Variants in C2CD3 observed in about 807,000 individuals in gnomAD.
C2CD3 encodes the protein C2 domain-containing protein 3.
A neutral mutation model predicts 234.0 loss-of-function variants in C2CD3; 148 were observed. That is an observed-to-expected ratio of 0.63 (90% CI 0.55 to 0.72). The LOEUF is 0.72. C2CD3 is among the 30% of genes least tolerant of loss of function. The probability of loss-of-function intolerance (pLI) is 0.00; values close to 1 mark genes in which losing one functional copy is unlikely to be tolerated. For synonymous variants in C2CD3, 1,000 were observed against 1,035.4 expected, an observed-to-expected ratio of 0.97 and a Z score of 0.66; for missense variants, 2,577 against 2,811.5, an observed-to-expected ratio of 0.92 and a Z score of 1.89.
chr11:74,088,103 G>A (rs1955724597), intron 20 of C2CD3, among the ~76,000 whole-genome samples: 2 of 152,092 alleles, frequency 1.3e-5, no homozygotes, highest in Non-Finnish European at 2.9e-5. Context: ...TCAGTAAGAG[G>A]CAATGCAAAA....
intron 13 of C2CD3, 101 bp downstream of exon 13, chr11:74,106,270 T>C (rs1430146664): frequency 2.6e-6 from 3 of 1,147,670 alleles, no homozygotes; most frequent in Admixed American, 4.3e-5. Flanking sequence ...CTACACAAGA[T>C]CAAAGACCTT....
intron 13 of C2CD3, among the ~76,000 whole-genome samples, chr11:74,104,797 T>C (rs900545121): frequency 1.3e-5 from 2 of 152,168 alleles, no homozygotes; most frequent in Non-Finnish European, 2.9e-5. Context: ...AAGGTTCTTT[T>C]ACTCTGTTGA....
intron 3 of C2CD3, among the ~76,000 whole-genome samples, chr11:74,140,839 C>T (rs1958027920): frequency 6.6e-6 from 1 of 152,094 alleles, no homozygotes; most frequent in East Asian, 1.9e-4. Flanking sequence ...GGGAGGACAA[C>T]TAAGATGAAA....
intron 31 of C2CD3, among the ~76,000 whole-genome samples, chr11:74,029,498 G>T (rs928142899): frequency 2.0e-5 from 3 of 152,226 alleles, no homozygotes; most frequent in Non-Finnish European, 4.4e-5. Context: ...GTAGAGAGGT[G>T]GGGGAGGAAT....
At chr11:74,075,429 T>C (rs560417449) in intron 23 of C2CD3, among the ~76,000 whole-genome samples, 42 of 152,202 alleles carry the variant, frequency 2.8e-4, no homozygotes, top group African/African-American at 9.2e-4. Context: ...ACGGAGTTAA[T>C]ATTTGTTGAG....
Position 74,037,482 on chromosome 11 carries a change from G to T in C2CD3, c.5877C>A (p.Ile1959=). ...SNLVLQVSSL[I]TDLQTITRDS... is the part of the protein sequence containing the mutation. Reference sequence around the variant, plus strand: ...AAGAAAGGATCTGAGTCATACCTGTGATTAAGGAGCTGACTTGCAACACCA... The same window carrying T: ...AAGAAAGGATCTGAGTCATACCTGTTATTAAGGAGCTGACTTGCAACACCA... Residue 1959 remains isoleucine (I), a synonymous_variant, in exon 30 of 33, where the codon ATC becomes ATA. Coordinates refer to ENST00000334126, the MANE Select transcript of C2CD3 (RefSeq NM_001286577.2). The T allele has an allele frequency of 6.2e-7, 1 of 1,611,378 alleles. No homozygotes were observed. Among genetic ancestry groups the T allele is most frequent in the South Asian group, 1.1e-5 (1 of 91,008 alleles).
chr11:74,024,571 A>G (rs1474591222), intron 32 of C2CD3, among the ~76,000 whole-genome samples: 2 of 152,240 alleles, frequency 1.3e-5, no homozygotes, highest in Non-Finnish European at 2.9e-5. Flanking sequence ...CTCCTGCTCA[A>G]ATAATATTTC....
At chr11:74,079,026 C>T (rs577755817) in intron 22 of C2CD3, among the ~76,000 whole-genome samples, 1 of 152,310 alleles carries the variant, frequency 6.6e-6, no homozygotes, top group Non-Finnish European at 1.5e-5. Flanking sequence ...AAAACTGATG[C>T]TAGTGCTGTC....
In C2CD3 at chr11:74,139,727, GA is replaced by G; in HGVS notation, c.584del (p.Phe195SerfsTer31). 1 of 1,613,400 alleles carries G rather than the reference GA, an allele frequency of 6.2e-7. No individual in the cohort carries two copies. The highest frequency in any genetic ancestry group is 8.5e-7 in the Non-Finnish European group (1 of 1,179,344). ...TACTGCTGGGTTCAGTATTCTCTCT[GA>G]ATCCCTGCTTAGATAAAAGCACATT... is the stretch of plus-strand genomic sequence containing the variant. ...TENVLLSKQG[F>X]RENTEPSSTQ... is the part of the protein sequence containing the mutation. On this transcript the variant is annotated frameshift_variant, in exon 4 of 33. Transcript: ENST00000334126. LOFTEE classifies it high-confidence loss of function.
chr11:74,049,809 C>G (rs751211686), intron 26 of C2CD3, among the ~76,000 whole-genome samples: 4 of 152,172 alleles, frequency 2.6e-5, no homozygotes, highest in Non-Finnish European at 5.9e-5. Context: ...GAGATGGGGT[C>G]TCACTCTGAT....
chr11:74,031,219 T>G (rs826070), intron 31 of C2CD3, among the ~76,000 whole-genome samples: 7,303 of 152,304 alleles, frequency 0.048, 511 homozygotes, highest in African/African-American at 0.16. Context: ...ACCCAGTAAG[T>G]ACTATTATCA....
In C2CD3 at chr11:74,134,033, C is replaced by T. The variant is rs191444599; in HGVS notation, c.956-476G>A. Among the ~76,000 whole-genome samples the T allele has an allele frequency of 2.3e-3, 350 of 152,168 alleles. 2 individuals are homozygous for T. The highest frequency in any genetic ancestry group is 8.1e-3 in the African/African-American group (335 of 41,494). Reference sequence around the variant, plus strand: ...GACTTTCTGATAGGTAAAATTTACCCCATCCCTTAAGGGGTCCCACAACAA... The same window carrying T: ...GACTTTCTGATAGGTAAAATTTACCTCATCCCTTAAGGGGTCCCACAACAA... On this transcript the variant is annotated intron_variant, in intron 5 of 32. Transcript: ENST00000334126.
chr11:74,104,705 CACTA>C (rs574887082), intron 13 of C2CD3, among the ~76,000 whole-genome samples: 42 of 152,230 alleles, frequency 2.8e-4, no homozygotes, highest in African/African-American at 5.8e-4. Context: ...CAGAAGTGGT[CACTA>C]ACTGTTAGGA....
At chr11:74,133,212 A>C (rs1311174928) in intron 6 of C2CD3, among the ~76,000 whole-genome samples, 1 of 152,234 alleles carries the variant, frequency 6.6e-6, no homozygotes, top group African/African-American at 2.4e-5. Context: ...GTTCGGAGAC[A>C]GTAAAGAATT....
intron 24 of C2CD3, among the ~76,000 whole-genome samples, chr11:74,066,018 C>T (rs1954512621): frequency 6.7e-6 from 1 of 150,094 alleles, no homozygotes; most frequent in African/African-American, 2.5e-5. Context: ...ACATATGTAA[C>T]AAACCTGCAC....
intron 5 of C2CD3, among the ~76,000 whole-genome samples, chr11:74,137,517 A>G (rs1957904698): frequency 6.7e-6 from 1 of 148,728 alleles, no homozygotes; most frequent in South Asian, 2.1e-4. Flanking sequence ...TGAAATTAAT[A>G]GTTTATAATC....
chr11:74,133,638 C>T, intron 5 of C2CD3, 81 bp from the exon 6 acceptor site: 1 of 1,434,364 alleles, frequency 7.0e-7, no homozygotes, highest in Non-Finnish European at 9.6e-7. Flanking sequence ...TTCCTTCTAT[C>T]AGAGGACTCA....
intron 22 of C2CD3, among the ~76,000 whole-genome samples, chr11:74,083,684 A>G (rs1955501746): frequency 6.6e-6 from 1 of 152,264 alleles, no homozygotes; most frequent in Admixed American, 6.5e-5. Flanking sequence ...CAACAGACAC[A>G]TGAAAAAATG....
intron 32 of C2CD3, among the ~76,000 whole-genome samples, chr11:74,017,272 T>C (rs1453679990): frequency 2.0e-5 from 3 of 152,168 alleles, no homozygotes; most frequent in Non-Finnish European, 4.4e-5. Context: ...ACGACTGTAC[T>C]AGGCTGAAGG....
Sources: gnomAD v4.1 joint callset for allele counts (sites outside exome capture counted in the v4.1 genomes callset) on GRCh38, gnomAD v4.1.1 for gene constraint, MANE v1.5 for transcripts, NCBI Gene and HGNC (gene_info 2026-07-23, HGNC 2026-07-21) for gene names.